The following IQCE variants were observed in gnomAD, a reference collection of about 807,000 sequenced individuals.
IQCE encodes the protein IQ motif containing E.
In IQCE, 115 loss-of-function variants were observed where a neutral mutation model predicts 96.0. The observed-to-expected ratio is 1.20, with a 90% CI of 1.03 to 1.40. IQCE has a LOEUF of 1.40. Among genes scored for constraint, IQCE ranks in the 40% most tolerant of loss-of-function variants. The pLI is 0.00. For synonymous variants in IQCE, 412 were observed against 371.2 expected, an observed-to-expected ratio of 1.11 and a Z score of -1.26; for missense variants, 1,041 against 909.1, an observed-to-expected ratio of 1.15 and a Z score of -1.87.
Position 2,578,262 on chromosome 7 carries a change from C to G in IQCE, c.486C>G (p.Ser162Arg). 1 of 1,613,492 alleles carries G rather than the reference C, an allele frequency of 6.2e-7. No individual in the cohort carries two copies. The change falls in exon 7 of 22, where the codon AGC (serine) becomes AGG (arginine). Residue 162 changes from serine to arginine, a missense_variant. Transcript: ENST00000402050. Reference sequence around the variant, plus strand: ...TTCAGTCATTGCACGTGCAGAAGAGCGACGTGGACCTGATGAGAACGAAGC... The same window carrying G: ...TTCAGTCATTGCACGTGCAGAAGAGGGACGTGGACCTGATGAGAACGAAGC... Reference protein sequence around the residue: ...ELKKSLHVQKSDVDLMRTKLR... With the variant: ...ELKKSLHVQKRDVDLMRTKLR...
chr7:2,605,576 C>T (rs956092942), intron 19 of IQCE, among the ~76,000 whole-genome samples: 90 of 152,116 alleles, frequency 5.9e-4, no homozygotes, highest in African/African-American at 1.6e-3. Flanking sequence ...GTCGAGATCA[C>T]GCCACTGCAC....
chr7:2,589,910 C>G lies in IQCE; in HGVS notation c.1048C>G (p.Leu350Val), dbSNP rs1783446760. 6.2e-7 allele frequency: 1 copy of G among 1,613,698 alleles called. No individual in the cohort carries two copies. The highest frequency in any genetic ancestry group is 8.5e-7 in the Non-Finnish European group (1 of 1,179,922). ...CACATGTCTGTGTTGCCTCCAGAAA[C>G]TAAGTGTGATGGAGAGCTCAAAATC... ...LRRIVELEKKLSVMESSKSHA... is the reference protein window; with the variant it reads ...LRRIVELEKKVSVMESSKSHA... Residue 350 changes from leucine to valine, a missense_variant, in exon 14 of 22, where the codon CTA (leucine) becomes GTA (valine). Physicochemically the swap from Leu to Val is conservative, Grantham distance 32. Coordinates refer to ENST00000402050, the MANE Select transcript of IQCE (RefSeq NM_152558.5).
intron 21 of IQCE, chr7:2,607,547 G>C (rs1216170694): frequency 7.9e-7 from 1 of 1,268,166 alleles, no homozygotes; most frequent in East Asian, 3.2e-5. Context: ...GTAAAACCGT[G>C]TTATTGTTTC....
chr7:2,578,714 C>T (rs1399230823), intron 8 of IQCE, among the ~76,000 whole-genome samples, 188 bp downstream of exon 8: 1 of 152,120 alleles, frequency 6.6e-6, no homozygotes, highest in African/African-American at 2.4e-5. Flanking sequence ...GCAGGCTCAC[C>T]ACAGAGGCCA....
At chr7:2,592,873 A>G in intron 14 of IQCE, 149 bp from the exon 15 acceptor site, 1 of 783,962 alleles carries the variant, frequency 1.3e-6, no homozygotes, top group Non-Finnish European at 2.0e-6. Context: ...GCAATGTGTG[A>G]TTAGAAATGG....
At chr7:2,588,695 C>T (rs1783334066) in intron 13 of IQCE, among the ~76,000 whole-genome samples, 3 of 105,944 alleles carry the variant, frequency 2.8e-5, no homozygotes, top group South Asian at 3.5e-4. Flanking sequence ...GGTGGAGTCT[C>T]ACTCTATCGC....
rs552401774 is a variant in IQCE, at chr7:2,610,538, G to A, written c.*376G>A. 17 of 201,632 alleles carry A rather than the reference G, an allele frequency of 8.4e-5. No individual in the cohort carries two copies. Among genetic ancestry groups the A allele is most frequent in the Admixed American group, 4.6e-4 (8 of 17,400 alleles). The allele number at this position is 201,632 out of a possible 1,614,324, so 12.5% of individuals were successfully genotyped here. A position where few individuals can be genotyped will look rare whatever the true frequency, so the allele number is the denominator to read the frequency against. On this transcript the variant is annotated 3_prime_UTR_variant, in exon 22 of 22. Coordinates refer to ENST00000402050, the MANE Select transcript of IQCE (RefSeq NM_152558.5). ...GGAGCTGCTATCCGCAACCAGCGCC[G>A]ACACCATGCCCCCTCTTCCTGGTGA...
At position 2,578,312 on chromosome 7, in the gene IQCE, G is replaced by T. The variant is rs1412931365; in HGVS notation, c.536G>T (p.Ser179Ile). ...TKLRRLEEEN[S>I]RKDRQIEQLL... ...CTCCGGCGCCTGGAGGAGGAAAACAGCAGGAAGGACCGGCAGATAGAGCAG... is the reference window on the plus strand; with the variant it reads ...CTCCGGCGCCTGGAGGAGGAAAACATCAGGAAGGACCGGCAGATAGAGCAG... Residue 179 changes from serine to isoleucine, a missense_variant, in exon 7 of 22, where the codon AGC (serine) becomes ATC (isoleucine). Transcript: ENST00000402050. 9 of 1,614,026 alleles carry T rather than the reference G, an allele frequency of 5.6e-6. No homozygotes were observed. In the Admixed American group the frequency reaches 8.3e-5, roughly 15 times the overall value.
At chr7:2,597,260 C>T (rs1784113283) in intron 16 of IQCE, 4 of 396,562 alleles carry the variant, frequency 1.0e-5, no homozygotes, top group South Asian at 1.9e-5. Flanking sequence ...AGAAACACTG[C>T]CTTCTGGAGT....
chr7:2,578,236 C>A lies in IQCE; in HGVS notation c.466-6C>A, dbSNP rs372299983. On this transcript the variant is annotated splice_region_variant and splice_polypyrimidine_tract_variant and intron_variant, in intron 6 of 21. Coordinates refer to ENST00000402050, the MANE Select transcript of IQCE (RefSeq NM_152558.5). ...GATGGCTGTGCATGGCCCTTGTTTT[C>A]TTCAGTCATTGCACGTGCAGAAGAG... 2.5e-6 allele frequency: 4 copies of A among 1,609,578 alleles called. No individual in the cohort carries two copies. In the Admixed American group the frequency reaches 6.7e-5, roughly 27 times the overall value.
At chr7:2,562,116 TCAAA>T (rs1781007125) in intron 1 of IQCE, among the ~76,000 whole-genome samples, 1 of 152,192 alleles carries the variant, frequency 6.6e-6, no homozygotes, top group East Asian at 1.9e-4. Flanking sequence ...TTAGATTTTG[TCAAA>T]CATACCTTCT....
At chr7:2,587,766 GC>G in intron 12 of IQCE, 55 bp from the exon 13 acceptor site, 50 of 1,544,976 alleles carry the variant, frequency 3.2e-5, no homozygotes, top group Non-Finnish European at 4.4e-5. Flanking sequence ...GAGAAGGGTG[GC>G]CCTGCTGGCA....
rs3215343 is a variant in IQCE, at chr7:2,614,125, C to CAAA, written c.*3969_*3971dup. The CAAA allele has an allele frequency of 6.6e-6, 1 of 151,442 alleles. No individual in the cohort carries two copies. The highest frequency in any genetic ancestry group is 2.4e-5 in the African/African-American group (1 of 41,154). The allele number at this position is 151,442 out of a possible 1,614,324, so 9.4% of individuals were successfully genotyped here. The stretch of plus-strand genomic sequence containing the variant: ...GATGGACCAGAAACCCCCTTCCTTG[C>CAAA]AAAAAAAAGGCAATTGAATTAGGAA... On this transcript the variant is annotated 3_prime_UTR_variant, in exon 22 of 22. Coordinates refer to ENST00000402050, the MANE Select transcript of IQCE (RefSeq NM_152558.5).
chr7:2,586,083 A>G, intron 11 of IQCE, 125 bp from the exon 12 acceptor site: 1 of 825,252 alleles, frequency 1.2e-6, no homozygotes, highest in Non-Finnish European at 1.9e-6. Flanking sequence ...TCAAATACTC[A>G]CCTGCAAAAA....
intron 3 of IQCE, among the ~76,000 whole-genome samples, chr7:2,571,071 G>T (rs1399814866): frequency 5.9e-5 from 9 of 152,138 alleles, no homozygotes; most frequent in African/African-American, 2.2e-4. Context: ...AGGCTGGAAT[G>T]CAGTGGCATG....
intron 19 of IQCE, among the ~76,000 whole-genome samples, chr7:2,605,486 G>T (rs1784738364): frequency 6.6e-6 from 1 of 152,100 alleles, no homozygotes; most frequent in Non-Finnish European, 1.5e-5. Context: ...CGGGCGTGGT[G>T]GCGGGCGCCC....
chr7:2,559,694 C>T (rs1334973168), intron 1 of IQCE, among the ~76,000 whole-genome samples: 7 of 132,532 alleles, frequency 5.3e-5, no homozygotes, highest in Admixed American at 9.4e-5. Flanking sequence ...GGTGCATGAG[C>T]CTTAGGTTAG....
intron 21 of IQCE, among the ~76,000 whole-genome samples, chr7:2,608,084 A>C (rs963692903): frequency 6.6e-6 from 1 of 152,204 alleles, no homozygotes; most frequent in Non-Finnish European, 1.5e-5. Flanking sequence ...CCAAAGGGTG[A>C]GGGTGAGGAA....
intron 1 of IQCE, among the ~76,000 whole-genome samples, chr7:2,565,896 T>G (rs572058838): frequency 1.3e-5 from 2 of 152,376 alleles, no homozygotes; most frequent in South Asian, 4.1e-4. Context: ...GCAGTCACAT[T>G]GCACTTGTGT....
Sources: gnomAD v4.1 joint callset for allele counts (sites outside exome capture counted in the v4.1 genomes callset) on GRCh38, gnomAD v4.1.1 for gene constraint, MANE v1.5 for transcripts, NCBI Gene and HGNC (gene_info 2026-07-23, HGNC 2026-07-21) for gene names.